Variants in ZNF778 observed in about 807,000 individuals in gnomAD.
ZNF778 encodes the protein zinc finger protein 778.
In ZNF778, 37 loss-of-function variants were observed where a neutral mutation model predicts 23.9. The ratio of observed to expected loss-of-function variants is 1.54; its 90% CI spans 1.19 to 2.03. The LOEUF (loss-of-function observed/expected upper bound fraction) is 2.03, where lower values mean the gene tolerates loss of function less well. ZNF778 is among the 30% of genes most tolerant of loss of function. The probability of loss-of-function intolerance (pLI) is 0.00; values close to 1 mark genes in which losing one functional copy is unlikely to be tolerated. For synonymous variants in ZNF778, 483 were observed against 343.9 expected (o/e 1.40, Z -4.48); for missense variants, 1,297 against 934.4 (o/e 1.39, Z -5.06).
intron 5 of ZNF778, 90 bp downstream of exon 5, chr16:89,224,892 T>C: frequency 1.0e-6 from 1 of 967,932 alleles, no homozygotes; most frequent in Non-Finnish European, 1.6e-6. Flanking sequence ...GGAAGGATTG[T>C]GTCAAGTTAA....
chr16:89,219,626 T>A (rs1325680273), intron 1 of ZNF778, among the ~76,000 whole-genome samples: 2 of 152,254 alleles, frequency 1.3e-5, no homozygotes, highest in Non-Finnish European at 2.9e-5. Flanking sequence ...TTATCAGTGC[T>A]TGCCAGAGGC....
Position 89,235,127 on chromosome 16 carries a change from C to T in ZNF778, c.*6565C>T, listed in dbSNP as rs1044726394. The T allele has an allele frequency of 6.6e-6, 1 of 151,946 alleles. No homozygotes were observed. The highest frequency in any genetic ancestry group is 2.4e-5 in the African/African-American group (1 of 41,358). The allele number at this position is 151,946 out of a possible 1,614,324, so 9.4% of individuals were successfully genotyped here. On this transcript the variant is annotated 3_prime_UTR_variant, in exon 7 of 7. Transcript: ENST00000433976. ...GTAGAGTGTAATGTCATTTTTCCCA[C>T]TATGGACATAAAAATTTTTGCAAGG...
intron 1 of ZNF778, among the ~76,000 whole-genome samples, chr16:89,218,740 G>T (rs1382185732): frequency 6.6e-6 from 1 of 152,042 alleles, no homozygotes; most frequent in South Asian, 2.1e-4. Flanking sequence ...GCAGTGAGCC[G>T]AGATGGCGCC....
intron 1 of ZNF778, among the ~76,000 whole-genome samples, chr16:89,219,086 G>A (rs969295750): frequency 6.6e-6 from 1 of 152,112 alleles, no homozygotes; most frequent in Non-Finnish European, 1.5e-5. Context: ...CAGCCTGGGC[G>A]ACAGAGCAAG....
Position 89,221,114 on chromosome 16 carries a change from G to A in ZNF778, c.-14G>A, listed in dbSNP as rs370876547. The A allele has an allele frequency of 2.8e-5, 44 of 1,566,544 alleles. No individual in the cohort carries two copies. In the East Asian group the frequency reaches 6.4e-4, roughly 23 times the overall value. ...AGGAAAGGAGCATTCAGACGCTTCC[G>A]TCAGCCTCCCAGGATGGCAGCCCCT... is the stretch of plus-strand genomic sequence containing the variant. On this transcript the variant is annotated 5_prime_UTR_variant, in exon 2 of 7. Transcript: ENST00000433976.
Position 89,232,422 on chromosome 16 carries a change from CACAG to C in ZNF778, c.*3867_*3870del, listed in dbSNP as rs1209986320. On this transcript the variant is annotated 3_prime_UTR_variant, in exon 7 of 7. Coordinates refer to ENST00000433976, the MANE Select transcript of ZNF778 (RefSeq NM_001201407.2). ...ACCCACAGCCTCAGATATGTAGCAA[CACAG>C]ACAGACTAAGACACCAAGCATGATG... The C allele has an allele frequency of 1.2e-5, 4 of 331,964 alleles. No individual in the cohort carries two copies. Among genetic ancestry groups the C allele is most frequent in the Admixed American group, 4.7e-5 (1 of 21,494 alleles). The allele number at this position is 331,964 out of a possible 1,614,324, so 20.6% of individuals were successfully genotyped here.
rs1269383795 is a variant in ZNF778, at chr16:89,228,911, TTACATTACATCTTTCCTC to T, written c.*350_*367del. ...GTGAGAATTGTTGGGAAGTCATTTT[TTACATTACATCTTTCCTC>T]ACCCTTTAGTAAACGTGGTGATTGA... On this transcript the variant is annotated 3_prime_UTR_variant, in exon 7 of 7. Transcript: ENST00000433976. 9.8e-7 allele frequency: 1 copy of T among 1,017,902 alleles called. No individual in the cohort carries two copies. The highest frequency in any genetic ancestry group is 1.2e-6 in the Non-Finnish European group (1 of 851,448). The allele number at this position is 1,017,902 out of a possible 1,614,324, so 63.1% of individuals were successfully genotyped here. A position where few individuals can be genotyped will look rare whatever the true frequency, so the allele number is the denominator to read the frequency against.
At chr16:89,220,106 A>G (rs532290484) in intron 1 of ZNF778, among the ~76,000 whole-genome samples, 5 of 152,312 alleles carry the variant, frequency 3.3e-5, no homozygotes, top group Admixed American at 3.3e-4. Context: ...AGAACTGAAT[A>G]TTACATCCCT....
Position 89,227,903 on chromosome 16 carries a change from G to A in ZNF778, c.1615G>A (p.Gly539Arg). 6.2e-7 allele frequency: 1 copy of A among 1,614,164 alleles called. No individual in the cohort carries two copies. The highest frequency in any genetic ancestry group is 8.5e-7 in the Non-Finnish European group (1 of 1,180,018). The change falls in exon 7 of 7, where the codon GGG becomes AGG. Residue 539 changes from glycine (G) to arginine (R), a missense_variant. Coordinates refer to ENST00000433976, the MANE Select transcript of ZNF778 (RefSeq NM_001201407.2). The part of the protein sequence containing the change: ...GEKPYECKDC[G>R]KAYNRVYLLN... ...GAAGCCCTATGAATGTAAGGACTGTGGGAAAGCCTACAATAGGGTTTATCT... is the reference window on the plus strand; with the variant it reads ...GAAGCCCTATGAATGTAAGGACTGTAGGAAAGCCTACAATAGGGTTTATCT...
In ZNF778 at chr16:89,227,691, T is replaced by G. The variant is rs563698870; in HGVS notation, c.1403T>G (p.Val468Gly). The change falls in exon 7 of 7, where the codon GTA becomes GGA. Residue 468 changes from valine to glycine, a missense_variant. Val to Gly is a moderately radical substitution (Grantham distance 109, BLOSUM62 -3). Coordinates refer to ENST00000433976, the MANE Select transcript of ZNF778 (RefSeq NM_001201407.2). ...FCTSSGLTEH[V>G]RTHTGEKPYE... ...ACATCCTCGGGCCTTACTGAGCATGTAAGGACTCACACTGGAGAGAAACCA... is the reference window on the plus strand; with the variant it reads ...ACATCCTCGGGCCTTACTGAGCATGGAAGGACTCACACTGGAGAGAAACCA... 21 of 1,614,152 alleles carry G rather than the reference T, an allele frequency of 1.3e-5. No homozygotes were observed. The East Asian group carries it at 4.2e-4, about 33-fold the overall frequency.
rs1029746229 is a variant in ZNF778 at position 89,234,076 on chromosome 16, C to T, written c.*5514C>T. The T allele has an allele frequency of 1.6e-6, 1 of 638,252 alleles. No individual in the cohort carries two copies. The highest frequency in any genetic ancestry group is 2.5e-6 in the Non-Finnish European group (1 of 393,518). 39.5% of individuals were successfully genotyped at this position (638,252 alleles called of 1,614,324 possible). On this transcript the variant is annotated 3_prime_UTR_variant, in exon 7 of 7. Transcript: ENST00000433976. Reference sequence around the variant, plus strand: ...CCTCCTGCCCAGCTCTGCAGCTCCCCTTGGGCCCTGCCTGGAGTGATGTGC... The same window carrying T: ...CCTCCTGCCCAGCTCTGCAGCTCCCTTTGGGCCCTGCCTGGAGTGATGTGC...
In ZNF778 at chr16:89,222,023, C is replaced by T. The variant is rs182487769; in HGVS notation, c.26-69C>T. ...TTTCCTGCTAGGATGGAATGACTTCCGGGTCCATGAGTGTGGAATTAGGGT... is the reference window on the plus strand; with the variant it reads ...TTTCCTGCTAGGATGGAATGACTTCTGGGTCCATGAGTGTGGAATTAGGGT... On this transcript the variant is annotated intron_variant, in intron 2 of 6. Coordinates refer to ENST00000433976, the MANE Select transcript of ZNF778 (RefSeq NM_001201407.2). The T allele has an allele frequency of 7.7e-5, 87 of 1,129,138 alleles. No homozygotes were observed. The African/African-American group carries it at 1.0e-3, about 14-fold the overall frequency. The allele number at this position is 1,129,138 out of a possible 1,614,324, so 69.9% of individuals were successfully genotyped here.
rs2032050361 is a variant in ZNF778 at position 89,233,090 on chromosome 16, CA to C, written c.*4529del. 1 of 485,824 alleles carries C rather than the reference CA, an allele frequency of 2.1e-6. No individual in the cohort carries two copies. The highest frequency in any genetic ancestry group is 3.9e-5 in the Admixed American group (1 of 25,688). 30.1% of individuals were successfully genotyped at this position (485,824 alleles called of 1,614,324 possible). ...CTCAGCTCGCACTGCGTATGCAACTCAGCTCGCACTGCGTATGCAAGTCAGC... is the reference window on the plus strand; with the variant it reads ...CTCAGCTCGCACTGCGTATGCAACTCGCTCGCACTGCGTATGCAAGTCAGC... On this transcript the variant is annotated 3_prime_UTR_variant, in exon 7 of 7. Coordinates refer to ENST00000433976, the MANE Select transcript of ZNF778 (RefSeq NM_001201407.2).
Position 89,221,149 on chromosome 16 carries a change from C to A in ZNF778, c.22C>A (p.His8Asn), listed in dbSNP as rs1364685819. The stretch of plus-strand genomic sequence containing the variant: ...CAGGATGGCAGCCCCTGACCTGGCC[C>A]ACGGTAAGTCCTGGTGGGGCTCCTT... Reference protein sequence around the residue: MAAPDLAHGGHVSRDSVC... With the variant: MAAPDLANGGHVSRDSVC... Residue 8 changes from histidine (H) to asparagine (N), a missense_variant, in exon 2 of 7, where the codon CAC (histidine) becomes AAC (asparagine). Transcript: ENST00000433976. 1 of 1,564,330 alleles carries A rather than the reference C, an allele frequency of 6.4e-7. No individual in the cohort carries two copies. The highest frequency in any genetic ancestry group is 1.4e-5 in the African/African-American group (1 of 73,772).
In ZNF778 at chr16:89,227,476, G is replaced by C; in HGVS notation, c.1188G>C (p.Val396=). The change falls in exon 7 of 7, where the codon GTG becomes GTC. Residue 396 remains valine (V), a synonymous_variant. Transcript: ENST00000433976. ...THTREKPFAC[V]VCGKYFRNSS... is the part of the protein sequence containing the mutation. ...CGAGGGAGAAGCCCTTTGCATGTGT[G>C]GTTTGCGGAAAATATTTTAGAAATT... 6.2e-7 allele frequency: 1 copy of C among 1,613,868 alleles called. No homozygotes were observed. The highest frequency in any genetic ancestry group is 1.1e-5 in the South Asian group (1 of 91,074).
chr16:89,223,226 CAGAG>C lies in ZNF778; in HGVS notation c.191_194del (p.Arg64ThrfsTer6). The stretch of plus-strand genomic sequence containing the variant: ...GGAATGGACTTTACTGGACCCATCT[CAGAG>C]AGACCTCTACAGAGATGTGATGCTG... On this transcript the variant is annotated frameshift_variant, in exon 4 of 7. Coordinates refer to ENST00000433976, the MANE Select transcript of ZNF778 (RefSeq NM_001201407.2). LOFTEE classifies it high-confidence loss of function. 1 of 1,614,094 alleles carries C rather than the reference CAGAG, an allele frequency of 6.2e-7. No individual in the cohort carries two copies. Among genetic ancestry groups the C allele is most frequent in the South Asian group, 1.1e-5 (1 of 91,082 alleles).
chr16:89,218,123 C>G (rs1161137548), intron 1 of ZNF778: 1 of 152,244 alleles, frequency 6.6e-6, no homozygotes, highest in Non-Finnish European at 1.5e-5. Flanking sequence ...CCGGGACTTC[C>G]AGGCCCGGCC....
chr16:89,225,273 G>T (rs191383820), intron 5 of ZNF778, among the ~76,000 whole-genome samples: 2 of 151,648 alleles, frequency 1.3e-5, no homozygotes, highest in Admixed American at 6.6e-5. Context: ...GTGCTGCCAC[G>T]CCTGGCCAAG....
rs2031297997 is a variant in ZNF778, at chr16:89,224,622, AAAT to A, written c.245-91_245-89del. On this transcript the variant is annotated intron_variant, in intron 4 of 6. Transcript: ENST00000433976. ...CAACAGCGCGAGACGCTGTCTCAAAAAATAATAAAAAAAAGGAAATGTAGTTCC... is the reference window on the plus strand; with the variant it reads ...CAACAGCGCGAGACGCTGTCTCAAAAAATAAAAAAAAGGAAATGTAGTTCC... 8.6e-6 allele frequency: 8 copies of A among 930,264 alleles called. No homozygotes were observed. In the East Asian group the frequency reaches 1.4e-4, roughly 16 times the overall value. The allele number at this position is 930,264 out of a possible 1,614,324, so 57.6% of individuals were successfully genotyped here. A position where few individuals can be genotyped will look rare whatever the true frequency, so the allele number is the denominator to read the frequency against.
Sources: gnomAD v4.1 joint callset for allele counts (sites outside exome capture counted in the v4.1 genomes callset) on GRCh38, gnomAD v4.1.1 for gene constraint, MANE v1.5 for transcripts, NCBI Gene and HGNC (gene_info 2026-07-23, HGNC 2026-07-21) for gene names.